The following HACD2 variants were observed in gnomAD, a reference collection of about 807,000 sequenced individuals.
HACD2 encodes very-long-chain (3R)-3-hydroxyacyl-CoA dehydratase 2.
A neutral mutation model predicts 31.0 loss-of-function variants in HACD2; 15 were observed. That is an observed-to-expected ratio of 0.48 (90% CI 0.32 to 0.75). The LOEUF is 0.75. HACD2 is among the 30% of genes least tolerant of loss of function. HACD2 has a pLI of 0.03. For missense variants in HACD2, 283 were observed against 313.0 expected (o/e 0.90, Z 0.72); for synonymous variants, 115 against 122.2 (o/e 0.94, Z 0.39).
At chr3:123,502,289 A>ATTTTTTT (rs144325698) in intron 5 of HACD2, among the ~76,000 whole-genome samples, 17 of 152,258 alleles carry the variant, frequency 1.1e-4, no homozygotes, top group African/African-American at 4.1e-4. Context: ...TGGTGATGAA[A>ATTTTTTT]TTTTTTAAAA....
intron 4 of HACD2, among the ~76,000 whole-genome samples, chr3:123,525,589 C>A (rs778505626): frequency 3.9e-5 from 6 of 152,150 alleles, no homozygotes; most frequent in African/African-American, 7.2e-5. Flanking sequence ...CACCCTAGCA[C>A]ATCATGTACA....
chr3:123,535,208 T>C (rs2056410880), intron 3 of HACD2, among the ~76,000 whole-genome samples: 1 of 152,166 alleles, frequency 6.6e-6, no homozygotes, highest in African/African-American at 2.4e-5. Context: ...TATACCATAC[T>C]TTTACTGTGC....
intron 4 of HACD2, 129 bp from the exon 5 acceptor site, chr3:123,502,810 G>A (rs2107681730): frequency 1.1e-6 from 1 of 899,018 alleles, no homozygotes; most frequent in Non-Finnish European, 1.7e-6. Flanking sequence ...ACCCCTGTAT[G>A]GCAGAAAGAG....
intron 3 of HACD2, among the ~76,000 whole-genome samples, chr3:123,528,744 C>T (rs759234153): frequency 3.9e-5 from 6 of 152,156 alleles, no homozygotes; most frequent in Non-Finnish European, 5.9e-5. Flanking sequence ...TGACCAAGTA[C>T]AGTATTTTTT....
At chr3:123,546,134 G>A (rs2056556907) in intron 3 of HACD2, among the ~76,000 whole-genome samples, 1 of 152,100 alleles carries the variant, frequency 6.6e-6, no homozygotes, top group Admixed American at 6.5e-5. Flanking sequence ...GATCATTATT[G>A]AGATTTATGA....
intron 4 of HACD2, among the ~76,000 whole-genome samples, chr3:123,513,969 A>G (rs1320919199): frequency 3.3e-5 from 5 of 152,148 alleles, no homozygotes; most frequent in Admixed American, 6.5e-5. Context: ...AAAATAAATG[A>G]TAATGCATAT....
At chr3:123,539,356 G>A (rs374829819) in intron 3 of HACD2, among the ~76,000 whole-genome samples, 2 of 152,238 alleles carry the variant, frequency 1.3e-5, no homozygotes. Flanking sequence ...GATCACTTGA[G>A]GTCAGGAGTT....
At chr3:123,511,150 T>C (rs1389454502) in intron 4 of HACD2, among the ~76,000 whole-genome samples, 2 of 152,176 alleles carry the variant, frequency 1.3e-5, no homozygotes, top group African/African-American at 2.4e-5. Flanking sequence ...TTAATATTTA[T>C]GGTGACAGCA....
At chr3:123,560,817 A>G (rs868250289) in intron 3 of HACD2, among the ~76,000 whole-genome samples, 4 of 152,120 alleles carry the variant, frequency 2.6e-5, no homozygotes, top group Non-Finnish European at 5.9e-5. Flanking sequence ...TTCATTTTTA[A>G]AATGTCAGCT....
intron 4 of HACD2, among the ~76,000 whole-genome samples, chr3:123,513,685 G>A (rs945693301): frequency 2.6e-5 from 4 of 152,166 alleles, no homozygotes; most frequent in African/African-American, 9.7e-5. Context: ...GCAACCGCAT[G>A]TCTCCTTCTC....
At chr3:123,537,773 A>G (rs2056444425) in intron 3 of HACD2, among the ~76,000 whole-genome samples, 1 of 152,168 alleles carries the variant, frequency 6.6e-6, no homozygotes, top group Non-Finnish European at 1.5e-5. Context: ...ACTAATACTA[A>G]TGAAGATTAG....
intron 2 of HACD2, among the ~76,000 whole-genome samples, chr3:123,574,097 T>C (rs1175339511): frequency 6.6e-6 from 1 of 152,218 alleles, no homozygotes; most frequent in Admixed American, 6.5e-5. Flanking sequence ...TTAAGAACAA[T>C]TCTATTTTTT....
At chr3:123,513,090 AG>A (rs2056084713) in intron 4 of HACD2, among the ~76,000 whole-genome samples, 1 of 152,198 alleles carries the variant, frequency 6.6e-6, no homozygotes, top group African/African-American at 2.4e-5. Context: ...GGATGATGGA[AG>A]GAAGTTAAAA....
chr3:123,507,640 A>C (rs2055993895), intron 4 of HACD2, among the ~76,000 whole-genome samples: 2 of 152,210 alleles, frequency 1.3e-5, no homozygotes, highest in African/African-American at 4.8e-5. Context: ...TAAGGTCTCC[A>C]TGATGTGCTT....
At chr3:123,534,888 C>T (rs780872995) in intron 3 of HACD2, among the ~76,000 whole-genome samples, 9 of 150,902 alleles carry the variant, frequency 6.0e-5, no homozygotes, top group South Asian at 2.1e-4. Context: ...AGAATAAGGA[C>T]GTAAAGTATT....
intron 3 of HACD2, among the ~76,000 whole-genome samples, chr3:123,528,708 A>G (rs1217519173): frequency 6.6e-6 from 1 of 152,212 alleles, no homozygotes; most frequent in East Asian, 1.9e-4. Context: ...GGATCCAGGT[A>G]CCTTTCTTAA....
chr3:123,549,214 C>T (rs1317622027), intron 3 of HACD2, among the ~76,000 whole-genome samples: 2 of 151,884 alleles, frequency 1.3e-5, no homozygotes, highest in Non-Finnish European at 2.9e-5. Flanking sequence ...TATATTCCAC[C>T]TCCAAAAATC....
intron 3 of HACD2, among the ~76,000 whole-genome samples, chr3:123,539,336 G>A (rs773527702): frequency 1.3e-5 from 2 of 152,106 alleles, no homozygotes; most frequent in Admixed American, 1.3e-4. Flanking sequence ...TTGGGAGGCC[G>A]AGGTGGGCAG....
rs2056312108 is a variant in HACD2 at position 123,528,458 on chromosome 3, A to G, written c.309T>C (p.Ser103=). The stretch of plus-strand genomic sequence containing the variant: ...TCACCTGGAAAGAAGTCAGGACAAC[A>G]GAAGATGGAACAATTCCTGAAAGAA... ...LHCAIGIVPS[S]VVLTSFQVMS... The change falls in exon 4 of 7, where the codon TCT becomes TCC. Residue 103 remains serine, a synonymous_variant. Transcript: ENST00000383657. 1 of 1,610,738 alleles carries G rather than the reference A, an allele frequency of 6.2e-7. No individual in the cohort carries two copies. The highest frequency in any genetic ancestry group is 8.5e-7 in the Non-Finnish European group (1 of 1,177,002).
Sources: allele counts gnomAD v4.1 joint callset (sites outside exome capture counted in the v4.1 genomes callset), GRCh38; gene constraint gnomAD v4.1.1; transcripts MANE v1.5; gene names NCBI Gene and HGNC (gene_info 2026-07-23, HGNC 2026-07-21).